SLIT1: variants seen among roughly 807,000 people sequenced by gnomAD.
SLIT1 encodes slit guidance ligand 1, also known as slit homolog 1 protein.
A neutral mutation model predicts 186.1 loss-of-function variants in SLIT1; 66 were observed. The ratio of observed to expected loss-of-function variants is 0.35; its 90% CI spans 0.29 to 0.44. The LOEUF is 0.44. SLIT1 is among the 20% of genes least tolerant of loss of function. SLIT1 has a pLI of 1.00. For synonymous variants in SLIT1, 761 were observed against 833.8 expected (o/e 0.91, Z 1.50); for missense variants, 1,638 against 2,037.4 (o/e 0.80, Z 3.77).
intron 4 of SLIT1, among the ~76,000 whole-genome samples, chr10:97,150,309 A>G (rs993667502): frequency 1.3e-5 from 2 of 152,136 alleles, no homozygotes; most frequent in African/African-American, 4.8e-5. Context: ...TCCATTTTTA[A>G]CAGCTCTTCA....
intron 4 of SLIT1, among the ~76,000 whole-genome samples, chr10:97,075,650 G>A (rs1396559249): frequency 2.0e-5 from 3 of 152,158 alleles, no homozygotes; most frequent in Non-Finnish European, 2.9e-5. Context: ...GTGGCTGCCC[G>A]GGATTCCACT....
chr10:97,082,368 G>A (rs1240201994), intron 4 of SLIT1, among the ~76,000 whole-genome samples: 4 of 152,138 alleles, frequency 2.6e-5, no homozygotes, highest in African/African-American at 9.7e-5. Context: ...TATGTGCCTG[G>A]CACTGTGCTA....
At position 97,179,808 on chromosome 10, in the gene SLIT1, C is replaced by A. The variant is rs944081066; in HGVS notation, c.197+5670G>T. Among the ~76,000 whole-genome samples, 85 of 150,106 alleles carry A rather than the reference C, an allele frequency of 5.7e-4. 2 individuals carry two copies. Among genetic ancestry groups the A allele is most frequent in the South Asian group, 1.9e-3 (9 of 4,648 alleles). ...GCCAATTCTCCACACCCTCCCCGCC[C>A]CCCGGCACAGCCCAGCTCCCTGGCT... On this transcript the variant is annotated intron_variant, in intron 1 of 36. Transcript: ENST00000266058.
chr10:97,092,591 TG>T (rs1305470623), intron 4 of SLIT1, among the ~76,000 whole-genome samples: 1 of 152,220 alleles, frequency 6.6e-6, no homozygotes, highest in Non-Finnish European at 1.5e-5. Context: ...CCCAGCACAA[TG>T]GGACTCTCCC....
intron 4 of SLIT1, among the ~76,000 whole-genome samples, chr10:97,117,825 C>T (rs1417349733): frequency 6.6e-6 from 1 of 152,182 alleles, no homozygotes; most frequent in African/African-American, 2.4e-5. Context: ...GCCTAAAAGA[C>T]CTCTGAAGTC....
In SLIT1 at chr10:97,004,699, A is replaced by G; in HGVS notation, c.3704T>C (p.Ile1235Thr). 6.2e-7 allele frequency: 1 copy of G among 1,614,044 alleles called. No individual in the cohort carries two copies. The highest frequency in any genetic ancestry group is 1.1e-5 in the South Asian group (1 of 91,078). Residue 1235 changes from isoleucine (I) to threonine (T), a missense_variant, in exon 33 of 37, where the codon ATC becomes ACC. This residue lies in a region of SLIT1 where 173 missense variants were observed against 290.9 expected (regional missense o/e 0.59). Transcript: ENST00000266058. This position sits in a 1 kb window ranked among gnomAD's most constrained non-coding sequence, Gnocchi z 5.1. ...GGGCATAAGGAAGCCCTACCTGTAG[A>G]TGGCAGAGCTGGGGTAGCTGCCTGG... is the stretch of plus-strand genomic sequence containing the variant. ...YDPGSYPSSA[I>T]YSAETINDGQ...
intron 4 of SLIT1, among the ~76,000 whole-genome samples, chr10:97,146,270 C>A (rs1428028688): frequency 6.6e-6 from 1 of 152,182 alleles, no homozygotes; most frequent in East Asian, 1.9e-4. Flanking sequence ...CTAAAAATTA[C>A]AAATACAAAC....
chr10:97,027,771 T>C (rs986631536), intron 25 of SLIT1, among the ~76,000 whole-genome samples: 5 of 152,226 alleles, frequency 3.3e-5, no homozygotes, highest in African/African-American at 1.2e-4. Flanking sequence ...TTTGTTCACC[T>C]CTCATTTGAA....
intron 3 of SLIT1, among the ~76,000 whole-genome samples, chr10:97,161,447 CT>C (rs1409601822): frequency 2.0e-5 from 3 of 152,214 alleles, no homozygotes; most frequent in Non-Finnish European, 2.9e-5. Flanking sequence ...CAATCGGATT[CT>C]TTTCCTTTTA....
At chr10:97,078,866 C>T (rs576248262) in intron 4 of SLIT1, among the ~76,000 whole-genome samples, 2 of 152,176 alleles carry the variant, frequency 1.3e-5, no homozygotes, top group South Asian at 2.1e-4. Context: ...TAGTCCTGGG[C>T]GGGAATGCAC....
chr10:97,067,759 C>A (rs956017332), intron 4 of SLIT1, among the ~76,000 whole-genome samples: 1 of 152,184 alleles, frequency 6.6e-6, no homozygotes, highest in East Asian at 1.9e-4. Context: ...GGTGAACAAC[C>A]AGCGGCAGAC....
chr10:97,033,151 C>T (rs982571180), intron 23 of SLIT1, among the ~76,000 whole-genome samples: 2 of 151,580 alleles, frequency 1.3e-5, no homozygotes, highest in South Asian at 4.2e-4. Flanking sequence ...CAGGCTCAAA[C>T]CATCCTCCCA....
At chr10:97,123,971 T>C (rs1459640974) in intron 4 of SLIT1, among the ~76,000 whole-genome samples, 1 of 151,854 alleles carries the variant, frequency 6.6e-6, no homozygotes, top group African/African-American at 2.4e-5. Flanking sequence ...AGTCCTCAAA[T>C]CCCTCCATCA....
intron 1 of SLIT1, among the ~76,000 whole-genome samples, chr10:97,172,085 C>G (rs1204461018): frequency 6.6e-6 from 1 of 151,892 alleles, no homozygotes; most frequent in Non-Finnish European, 1.5e-5. Flanking sequence ...CTCTGTCACC[C>G]AGGCCAGAGT....
chr10:97,179,805 G>GCC (rs200480011), intron 1 of SLIT1, among the ~76,000 whole-genome samples: 9 of 136,272 alleles, frequency 6.6e-5, no homozygotes, highest in South Asian at 2.5e-4. Flanking sequence ...CACCCTCCCC[G>GCC]CCCCCCGGCA....
At chr10:97,151,001 C>T (rs1211155228) in intron 4 of SLIT1, among the ~76,000 whole-genome samples, 2 of 152,056 alleles carry the variant, frequency 1.3e-5, no homozygotes, top group South Asian at 2.1e-4. Context: ...TACCTGCCCC[C>T]CCGCCGGAAG....
In SLIT1 at chr10:97,178,419, G is replaced by A. The variant is rs562029233; in HGVS notation, c.197+7059C>T. Reference sequence around the variant, plus strand: ...CTGAGGAGCGTTCTGCAAAATAACCGGCCTGCATACATCAATAATGTCCAG... The same window carrying A: ...CTGAGGAGCGTTCTGCAAAATAACCAGCCTGCATACATCAATAATGTCCAG... On this transcript the variant is annotated intron_variant, in intron 1 of 36. Transcript: ENST00000266058. 7.9e-5 allele frequency among the ~76,000 whole-genome samples: 12 copies of A among 152,200 alleles called. No homozygotes were observed. The South Asian group carries it at 1.7e-3, about 21-fold the overall frequency.
At position 97,043,305 on chromosome 10, in the gene SLIT1, T is replaced by A; in HGVS notation, c.1997+65A>T. The A allele has an allele frequency of 2.5e-6, 4 of 1,598,406 alleles. No homozygotes were observed. The highest frequency in any genetic ancestry group is 3.4e-6 in the Non-Finnish European group (4 of 1,169,458). On this transcript the variant is annotated intron_variant, in intron 19 of 36. Transcript: ENST00000266058. This position sits in a 1 kb window ranked among gnomAD's most constrained non-coding sequence, Gnocchi z 7.0. ...CCAGGGTGAGCTCTTTCAAAGTGGC[T>A]GGCCGAGACGGTTGGGACGGTTGCT... is the stretch of plus-strand genomic sequence containing the variant.
intron 31 of SLIT1, among the ~76,000 whole-genome samples, chr10:97,007,581 G>T (rs1423345519): frequency 6.6e-6 from 1 of 151,950 alleles, no homozygotes; most frequent in Non-Finnish European, 1.5e-5. Context: ...GCATAAAAAG[G>T]ATTATATACA....
Sources: gnomAD v4.1 joint callset for allele counts (sites outside exome capture counted in the v4.1 genomes callset) on GRCh38, gnomAD v4.1.1 for gene constraint, gnomAD v4.1.1 regional missense constraint, Gnocchi (gnomAD v3.1) non-coding constraint, MANE v1.5 for transcripts, NCBI Gene and HGNC (gene_info 2026-07-23, HGNC 2026-07-21) for gene names.